LPO: variants seen among roughly 807,000 people sequenced by gnomAD.
The protein encoded by LPO is salivary peroxidase.
A neutral mutation model predicts 68.4 loss-of-function variants in LPO; 70 were observed. The ratio of observed to expected loss-of-function variants is 1.02; its 90% confidence interval spans 0.84 to 1.25. LPO has a LOEUF of 1.25. Among genes scored for constraint, LPO ranks in the 50% most tolerant of loss-of-function variants. The probability of loss-of-function intolerance (pLI) is 0.00; values close to 1 mark genes in which losing one functional copy is unlikely to be tolerated. For missense variants in LPO, 873 were observed against 908.4 expected, an observed-to-expected ratio of 0.96 and a Z score of 0.50; for synonymous variants, 360 against 357.6, an observed-to-expected ratio of 1.01 and a Z score of -0.08.
chr17:58,247,993 A>C (rs888372317), intron 4 of LPO, among the ~76,000 whole-genome samples: 1 of 152,190 alleles, frequency 6.6e-6, no homozygotes. Context: ...CAGTGTCACC[A>C]CTTCCTCTAG....
In LPO at chr17:58,264,912, G is replaced by A. The variant is rs1157460614; in HGVS notation, c.1457G>A (p.Gly486Glu). 4 of 1,614,038 alleles carry A rather than the reference G, an allele frequency of 2.5e-6. No individual in the cohort carries two copies. The highest frequency in any genetic ancestry group is 3.4e-6 in the Non-Finnish European group (4 of 1,180,024). ...FRLDENYQPWGPEPELPLHTL... is the reference protein window; with the variant it reads ...FRLDENYQPWEPEPELPLHTL... ...CTGGATGAGAATTATCAGCCATGGG[G>A]GCCAGAACCAGAACTCCCCCTCCAC... Residue 486 changes from glycine to glutamate, a missense_variant, in exon 10 of 13, where the codon GGG becomes GAG. By Grantham distance (98) the Gly-to-Glu change is moderately conservative. Transcript: ENST00000262290.
chr17:58,253,392 A>G (rs150837223), intron 8 of LPO, among the ~76,000 whole-genome samples: 1 of 152,356 alleles, frequency 6.6e-6, no homozygotes, highest in East Asian at 1.9e-4. Flanking sequence ...TAGGTAATGA[A>G]CATCTTCATT....
chr17:58,241,142 T>TTTTTTTTG (rs1969750984), intron 1 of LPO, among the ~76,000 whole-genome samples: 1 of 138,684 alleles, frequency 7.2e-6, no homozygotes, highest in Non-Finnish European at 1.6e-5. Context: ...TTTTTTTTTT[T>TTTTTTTTG]TTTTTTGAGC....
chr17:58,244,116 C>A (rs1969810697), intron 3 of LPO, 35 bp downstream of exon 3: 1 of 1,372,366 alleles, frequency 7.3e-7, no homozygotes, highest in African/African-American at 1.4e-5. Flanking sequence ...CACACACACA[C>A]ACACACACAC....
intron 8 of LPO, among the ~76,000 whole-genome samples, chr17:58,253,244 C>T (rs566041088): frequency 3.4e-4 from 52 of 151,986 alleles, no homozygotes; most frequent in Admixed American, 1.8e-3. Context: ...TTACTCCATG[C>T]CATTAACTGT....
chr17:58,253,208 T>TC (rs1969998572), intron 8 of LPO, among the ~76,000 whole-genome samples: 1 of 152,126 alleles, frequency 6.6e-6, no homozygotes, highest in East Asian at 1.9e-4. Flanking sequence ...TAAATAATGC[T>TC]CCAAAACCTG....
intron 9 of LPO, among the ~76,000 whole-genome samples, chr17:58,263,865 G>A (rs1458542918): frequency 6.6e-6 from 1 of 152,124 alleles, no homozygotes; most frequent in Non-Finnish European, 1.5e-5. Context: ...ATGCTATTCT[G>A]GTCTACTTCA....
Position 58,268,254 on chromosome 17 carries a change from G to A in LPO, c.*260G>A, listed in dbSNP as rs1970314387. The A allele has an allele frequency of 2.0e-6, 1 of 506,276 alleles. No individual in the cohort carries two copies. The highest frequency in any genetic ancestry group is 1.9e-5 in the African/African-American group (1 of 51,926). The allele number at this position is 506,276 out of a possible 1,614,324, so 31.4% of individuals were successfully genotyped here. ...GATGCCCTTCTGCTCCAGCTTGCTG[G>A]ATGTTACCTGTCCTCTTCCCTCCAC... On this transcript the variant is annotated 3_prime_UTR_variant, in exon 13 of 13. Transcript: ENST00000262290.
Position 58,268,058 on chromosome 17 carries a change from C to T in LPO, c.*64C>T. 2.0e-6 allele frequency: 3 copies of T among 1,526,502 alleles called. No homozygotes were observed. The South Asian group carries it at 3.4e-5, about 17-fold the overall frequency. 94.6% of individuals were successfully genotyped at this position (1,526,502 alleles called of 1,614,324 possible). A position where few individuals can be genotyped will look rare whatever the true frequency, so the allele number is the denominator to read the frequency against. ...GGGCCATTTCAAGCAAGTTCAATGACCTGGTCCCTTAGAGCTCCATATCCC... is the reference window on the plus strand; with the variant it reads ...GGGCCATTTCAAGCAAGTTCAATGATCTGGTCCCTTAGAGCTCCATATCCC... On this transcript the variant is annotated 3_prime_UTR_variant, in exon 13 of 13. Transcript: ENST00000262290.
In LPO at chr17:58,243,058, G is replaced by A. The variant is rs77430619; in HGVS notation, c.76+3G>A. 4.9e-3 allele frequency: 7,859 copies of A among 1,613,788 alleles called. 35 individuals are homozygous for A. Among genetic ancestry groups the A allele is most frequent in the Middle Eastern group, 0.013 (79 of 6,058 alleles). On this transcript the variant is annotated splice_donor_region_variant and intron_variant, in intron 2 of 12. Coordinates refer to ENST00000262290, the MANE Select transcript of LPO (RefSeq NM_006151.3). ...GGCTGCAGCATCTACCACAAGAGGT[G>A]AGTGTCTCCCTTTACGGGTTTTCTG...
At chr17:58,249,926 C>T (rs1036892933) in intron 6 of LPO, among the ~76,000 whole-genome samples, 4 of 152,226 alleles carry the variant, frequency 2.6e-5, no homozygotes, top group South Asian at 4.1e-4. Flanking sequence ...TGGGGTCTCC[C>T]GGGCAGATGG....
rs149585110 is a variant in LPO, at chr17:58,267,934, C to A, written c.2079C>A (p.Phe693Leu). ...PFWANSYPYD[F>L]VDCSAIDKLD... is the part of the protein sequence containing the mutation. ...GGGCCAACAGCTACCCCTATGACTTCGTGGATTGCTCAGCCATCGACAAGC... is the reference window on the plus strand; with the variant it reads ...GGGCCAACAGCTACCCCTATGACTTAGTGGATTGCTCAGCCATCGACAAGC... The change falls in exon 13 of 13, where the codon TTC becomes TTA. Residue 693 changes from phenylalanine (F) to leucine (L), a missense_variant. Physicochemically the swap from Phe to Leu is conservative, Grantham distance 22. Transcript: ENST00000262290. The A allele has an allele frequency of 7.4e-6, 12 of 1,614,190 alleles. No individual in the cohort carries two copies. In the East Asian group the frequency reaches 2.7e-4, roughly 36 times the overall value.
rs915639744 is a variant in LPO, at chr17:58,243,000, C to G, written c.21C>G (p.Leu7=). 12 of 1,613,978 alleles carry G rather than the reference C, an allele frequency of 7.4e-6. No homozygotes were observed. Among genetic ancestry groups the G allele is most frequent in the African/African-American group, 1.3e-5 (1 of 74,946 alleles). MRVLLH[L]PALLASLILL... The stretch of plus-strand genomic sequence containing the variant: ...CAGTGATGAGGGTCCTTCTCCATCT[C>G]CCAGCCCTCCTGGCTTCCCTCATCT... Residue 7 remains leucine (L), a synonymous_variant, in exon 2 of 13, where the codon CTC becomes CTG. Transcript: ENST00000262290.
In LPO at chr17:58,248,981, T is replaced by A. The variant is rs1393668408; in HGVS notation, c.326-79T>A. ...ATTCCAAAACATGCAGGTTCACCTC[T>A]GGTCTCCATTTCCTGCCTCCCACGG... On this transcript the variant is annotated intron_variant, in intron 4 of 12. Transcript: ENST00000262290. 4 of 1,036,478 alleles carry A rather than the reference T, an allele frequency of 3.9e-6. No homozygotes were observed. In the African/African-American group the frequency reaches 6.3e-5, roughly 16 times the overall value. The allele number at this position is 1,036,478 out of a possible 1,614,324, so 64.2% of individuals were successfully genotyped here.
intron 9 of LPO, among the ~76,000 whole-genome samples, chr17:58,255,865 G>GCAAT (rs1970060701): frequency 6.6e-6 from 1 of 152,126 alleles, no homozygotes; most frequent in African/African-American, 2.4e-5. Flanking sequence ...AGTTATAAAT[G>GCAAT]CAATCAACTG....
intron 7 of LPO, 139 bp downstream of exon 7, chr17:58,250,760 C>T (rs1319642411): frequency 1.1e-5 from 9 of 800,028 alleles, no homozygotes; most frequent in Admixed American, 2.2e-5. Flanking sequence ...CGTGTCCATT[C>T]GTTCACTCAT....
At chr17:58,246,317 C>T (rs8178307) in intron 3 of LPO, among the ~76,000 whole-genome samples, 35,262 of 152,026 alleles carry the variant, frequency 0.23, 4,265 homozygotes, top group African/African-American at 0.28. Flanking sequence ...TTTGAATCAG[C>T]GGTGGCATGG....
rs2143919683 is a variant in LPO at position 58,254,786 on chromosome 17, AC to A, written c.1106-23del. 2.5e-6 allele frequency: 4 copies of A among 1,612,474 alleles called. No homozygotes were observed. The Middle Eastern group carries it at 6.6e-4, about 267-fold the overall frequency. On this transcript the variant is annotated intron_variant, in intron 8 of 12. Transcript: ENST00000262290. ...GTCCTGGGGCTGTTAGGGAGAATCT[AC>A]CTTCCTGCCTTCTGGGCTTTCAGGA...
At position 58,267,519 on chromosome 17, in the gene LPO, G is replaced by A. The variant is rs1443769311; in HGVS notation, c.1864G>A (p.Gly622Ser). Reference protein sequence around the residue: ...GAIAEPLVERGRVGPLLACLL... With the variant: ...GAIAEPLVERSRVGPLLACLL... ...CATTGCTGAGCCGCTGGTGGAAAGG[G>A]GTCGGGTGGGGCCTCTCCTGGCCTG... The change falls in exon 12 of 13, where the codon GGT (glycine) becomes AGT (serine). Residue 622 changes from glycine (G) to serine (S), a missense_variant. Gly to Ser is a moderately conservative substitution (Grantham distance 56). Coordinates refer to ENST00000262290, the MANE Select transcript of LPO (RefSeq NM_006151.3). 1 of 1,614,184 alleles carries A rather than the reference G, an allele frequency of 6.2e-7. No homozygotes were observed. The highest frequency in any genetic ancestry group is 1.1e-5 in the South Asian group (1 of 91,078).
Sources: allele counts gnomAD v4.1 joint callset (sites outside exome capture counted in the v4.1 genomes callset), GRCh38; gene constraint gnomAD v4.1.1; transcripts MANE v1.5; gene names NCBI Gene and HGNC (gene_info 2026-07-23, HGNC 2026-07-21).